OBI1: variants seen among roughly 807,000 people sequenced by gnomAD.
OBI1 encodes ORC ubiquitin ligase 1.
Under a neutral mutation model 62.4 loss-of-function variants are expected in OBI1, and 59 were observed. That is an observed-to-expected ratio of 0.95 (90% CI 0.77 to 1.17). OBI1 has a LOEUF of 1.17. OBI1 is among the 50% of genes most tolerant of loss of function. The probability of loss-of-function intolerance (pLI) is 0.00; values close to 1 mark genes in which losing one functional copy is unlikely to be tolerated. For missense variants in OBI1, 875 were observed against 830.9 expected, an observed-to-expected ratio of 1.05 and a Z score of -0.65; for synonymous variants, 302 against 292.8, an observed-to-expected ratio of 1.03 and a Z score of -0.32.
intron 3 of OBI1, among the ~76,000 whole-genome samples, chr13:78,639,586 C>T (rs1876143962): frequency 6.8e-6 from 1 of 147,800 alleles, no homozygotes; most frequent in South Asian, 2.2e-4. Flanking sequence ...AGACTTGGAA[C>T]CAACCCAAAT....
chr13:78,643,270 A>G (rs890981431), intron 2 of OBI1, among the ~76,000 whole-genome samples: 1 of 152,184 alleles, frequency 6.6e-6, no homozygotes. Context: ...ATCAAAGCTC[A>G]TATTCTGCAA....
At chr13:78,657,733 A>C (rs1344162836) in intron 1 of OBI1, among the ~76,000 whole-genome samples, 1 of 152,266 alleles carries the variant, frequency 6.6e-6, no homozygotes, top group Non-Finnish European at 1.5e-5. Flanking sequence ...ATCAGCCTTT[A>C]AAGCCAGTGT....
chr13:78,630,550 G>T (rs1481709751), intron 5 of OBI1, among the ~76,000 whole-genome samples: 1 of 152,122 alleles, frequency 6.6e-6, no homozygotes, highest in Non-Finnish European at 1.5e-5. Context: ...CCAATAGGAG[G>T]TGATGGTATA....
chr13:78,642,647 G>A (rs1876253223), intron 2 of OBI1, among the ~76,000 whole-genome samples: 1 of 152,210 alleles, frequency 6.6e-6, no homozygotes, highest in African/African-American at 2.4e-5. Context: ...CACTTTGGGA[G>A]GCCGAGGCGG....
At chr13:78,619,187 T>TA (rs1455114231) in intron 5 of OBI1, among the ~76,000 whole-genome samples, 4 of 152,026 alleles carry the variant, frequency 2.6e-5, no homozygotes, top group Non-Finnish European at 5.9e-5. Flanking sequence ...TTTGGGAACT[T>TA]AGAGGCCTAC....
chr13:78,641,232 TCA>T (rs1236470917), intron 3 of OBI1, among the ~76,000 whole-genome samples: 9 of 152,222 alleles, frequency 5.9e-5, no homozygotes, highest in African/African-American at 1.7e-4. Flanking sequence ...GCATTAAATG[TCA>T]CACAGATAGT....
chr13:78,642,273 A>T, intron 2 of OBI1, 60 bp from the exon 3 acceptor site: 1 of 1,078,014 alleles, frequency 9.3e-7, no homozygotes, highest in Admixed American at 1.8e-5. Flanking sequence ...AATGAAAATG[A>T]TCCTTTTTCA....
intron 3 of OBI1, 24 bp from the exon 4 acceptor site, chr13:78,639,095 G>A (rs200337527): frequency 3.1e-6 from 5 of 1,605,562 alleles, no homozygotes; most frequent in South Asian, 1.1e-5. Flanking sequence ...GCATAGTCAT[G>A]AGGCAGGCAT....
Position 78,642,221 on chromosome 13 carries a change from G to T in OBI1, c.209-8C>A. ...CACTTTCACTTGTTCCTCCTGTAGG[G>T]AAAAAAAAAAAAATCCTAATTTTTC... On this transcript the variant is annotated splice_region_variant and splice_polypyrimidine_tract_variant and intron_variant, in intron 2 of 5. Transcript: ENST00000282003. The T allele has an allele frequency of 3.2e-6, 4 of 1,236,846 alleles. No homozygotes were observed. Among genetic ancestry groups the T allele is most frequent in the Non-Finnish European group, 3.4e-6 (3 of 894,882 alleles). The allele number at this position is 1,236,846 out of a possible 1,614,324, so 76.6% of individuals were successfully genotyped here. A position where few individuals can be genotyped will look rare whatever the true frequency, so the allele number is the denominator to read the frequency against.
chr13:78,638,824 T>C lies in OBI1; in HGVS notation c.548A>G (p.Glu183Gly), dbSNP rs1376028851. 6.2e-7 allele frequency: 1 copy of C among 1,604,428 alleles called. No homozygotes were observed. The highest frequency in any genetic ancestry group is 1.7e-5 in the Admixed American group (1 of 58,210). Residue 183 changes from glutamate to glycine, a missense_variant and splice_region_variant, in exon 4 of 6, where the codon GAG (glutamate) becomes GGG (glycine). By Grantham distance (98) the Glu-to-Gly change is moderately conservative (BLOSUM62 -2). Coordinates refer to ENST00000282003, the MANE Select transcript of OBI1 (RefSeq NM_024546.4). ...KVKDDVDKLK[E>G]ANKKLKLENG... ...AGATTTTTAAAAACCACAACTTACCTCCTTTAGCTTATCCACATCATCTTT... is the reference window on the plus strand; with the variant it reads ...AGATTTTTAAAAACCACAACTTACCCCCTTTAGCTTATCCACATCATCTTT...
chr13:78,636,235 G>A (rs1593793814), intron 4 of OBI1, among the ~76,000 whole-genome samples: 3 of 152,254 alleles, frequency 2.0e-5, no homozygotes, highest in South Asian at 4.1e-4. Flanking sequence ...GAAAACTAGT[G>A]TGCTTAAATT....
Position 78,616,079 on chromosome 13 carries a change from G to A in OBI1, c.1682C>T (p.Ser561Leu), listed in dbSNP as rs376608775. ...CTTTGATAACCCATCCAAATCCAGTGACTTAAAACCGTTATTACAAGGGCT... is the reference window on the plus strand; with the variant it reads ...CTTTGATAACCCATCCAAATCCAGTAACTTAAAACCGTTATTACAAGGGCT... ...SKSPCNNGFK[S>L]LDLDGLSKSS... Residue 561 changes from serine (S) to leucine (L), a missense_variant, in exon 6 of 6, where the codon TCA becomes TTA. By Grantham distance (145) the Ser-to-Leu change is moderately radical (BLOSUM62 -2). Coordinates refer to ENST00000282003, the MANE Select transcript of OBI1 (RefSeq NM_024546.4). The A allele has an allele frequency of 6.8e-6, 11 of 1,613,988 alleles. No individual in the cohort carries two copies. The highest frequency in any genetic ancestry group is 9.3e-6 in the Non-Finnish European group (11 of 1,180,016).
chr13:78,642,510 T>C (rs902196181), intron 2 of OBI1, among the ~76,000 whole-genome samples: 2 of 152,248 alleles, frequency 1.3e-5, no homozygotes, highest in African/African-American at 4.8e-5. Context: ...ACATTTGGAC[T>C]ACTTCAAATT....
intron 2 of OBI1, 143 bp downstream of exon 2, chr13:78,644,719 A>T (rs1876330349): frequency 1.1e-6 from 1 of 873,782 alleles, no homozygotes; most frequent in Non-Finnish European, 1.8e-6. Flanking sequence ...CCACATATAC[A>T]TTACACAAAT....
intron 1 of OBI1, among the ~76,000 whole-genome samples, chr13:78,652,046 A>G (rs1256824273): frequency 6.6e-6 from 1 of 152,170 alleles, no homozygotes; most frequent in Non-Finnish European, 1.5e-5. Flanking sequence ...TCTGTCTGCT[A>G]AGAGTCATTA....
chr13:78,624,603 A>C lies in OBI1; in HGVS notation c.639-7481T>G, dbSNP rs182575845. Reference sequence around the variant, plus strand: ...GTTTATCTTATTAAACCAACTATGCATTTGTAGTTAAAAAACTGTGGTGAA... The same window carrying C: ...GTTTATCTTATTAAACCAACTATGCCTTTGTAGTTAAAAAACTGTGGTGAA... On this transcript the variant is annotated intron_variant, in intron 5 of 5. Transcript: ENST00000282003. 7.2e-5 allele frequency among the ~76,000 whole-genome samples: 11 copies of C among 152,280 alleles called. No individual in the cohort carries two copies. In the East Asian group the frequency reaches 2.1e-3, roughly 29 times the overall value.
At chr13:78,626,843 G>C (rs930290497) in intron 5 of OBI1, among the ~76,000 whole-genome samples, 11 of 152,168 alleles carry the variant, frequency 7.2e-5, no homozygotes, top group Non-Finnish European at 1.5e-4. Flanking sequence ...AAGGCAGGCG[G>C]ATCATGAGGT....
intron 5 of OBI1, among the ~76,000 whole-genome samples, chr13:78,629,546 C>A (rs1371920703): frequency 6.6e-6 from 1 of 152,056 alleles, no homozygotes; most frequent in Non-Finnish European, 1.5e-5. Flanking sequence ...AAATGCTTTA[C>A]AAGTCAATTC....
chr13:78,658,116 CTAG>C (rs1347088595), intron 1 of OBI1, among the ~76,000 whole-genome samples: 1 of 152,212 alleles, frequency 6.6e-6, no homozygotes, highest in Non-Finnish European at 1.5e-5. Flanking sequence ...AATGCTTGCT[CTAG>C]AAGTTTGTAT....
Sources: allele counts gnomAD v4.1 joint callset (sites outside exome capture counted in the v4.1 genomes callset), GRCh38; gene constraint gnomAD v4.1.1; transcripts MANE v1.5; gene names NCBI Gene and HGNC (gene_info 2026-07-23, HGNC 2026-07-21).